The following RNF6 variants were observed in gnomAD, a reference collection of about 807,000 sequenced individuals.
The protein encoded by RNF6 is E3 ubiquitin-protein ligase RNF6.
Under a neutral mutation model 50.1 loss-of-function variants are expected in RNF6, and 21 were observed. That is an observed-to-expected ratio of 0.42 (90% confidence interval 0.30 to 0.60). RNF6 has a LOEUF of 0.60. Among genes scored for constraint, RNF6 ranks in the 20% least tolerant of loss-of-function variants. The pLI is 0.20. For synonymous variants in RNF6, 255 were observed against 291.8 expected, an observed-to-expected ratio of 0.87 and a Z score of 1.29; for missense variants, 698 against 838.2, an observed-to-expected ratio of 0.83 and a Z score of 2.07.
At chr13:26,144,472 G>C (rs1265084120) in intron 5 of RNF6, among the ~76,000 whole-genome samples, 1 of 150,320 alleles carries the variant, frequency 6.7e-6, no homozygotes, top group Non-Finnish European at 1.5e-5. Context: ...TTTCTTCCTA[G>C]TCCCCAGCCA....
At chr13:26,135,632 T>C (rs1433840235) in intron 5 of RNF6, 2 of 152,226 alleles carry the variant, frequency 1.3e-5, no homozygotes, top group Non-Finnish European at 2.9e-5. Flanking sequence ...TTACTATCTC[T>C]TCATCAAATT....
chr13:26,187,849 A>G (rs1223590858), intron 5 of RNF6, among the ~76,000 whole-genome samples: 1 of 152,120 alleles, frequency 6.6e-6, no homozygotes, highest in South Asian at 2.1e-4. Flanking sequence ...TCAGCCTCCC[A>G]ACTAGCTGGG....
chr13:26,157,259 A>G (rs1487029181), intron 5 of RNF6, among the ~76,000 whole-genome samples: 2 of 152,220 alleles, frequency 1.3e-5, no homozygotes, highest in African/African-American at 4.8e-5. Flanking sequence ...TTATAAACAA[A>G]TTAATAAATT....
At chr13:26,211,986 C>A (rs1050663607), downstream of RNF6, among the ~76,000 whole-genome samples, 2 of 152,134 alleles carry the variant, frequency 1.3e-5, no homozygotes, top group Non-Finnish European at 2.9e-5. Flanking sequence ...TTTTTAAAAA[C>A]CAACATTTTT....
At chr13:26,175,408 C>G (rs940908235) in intron 5 of RNF6, among the ~76,000 whole-genome samples, 8 of 152,116 alleles carry the variant, frequency 5.3e-5, no homozygotes, top group Non-Finnish European at 1.0e-4. Context: ...GGACACCTGA[C>G]GCGAAGAGTA....
rs1869582051 is a variant in RNF6 at position 26,214,283 on chromosome 13, C to T, written c.1599G>A (p.Arg533=). The T allele has an allele frequency of 3.1e-6, 5 of 1,614,106 alleles. No homozygotes were observed. The highest frequency in any genetic ancestry group is 4.2e-6 in the Non-Finnish European group (5 of 1,180,022). The change falls in exon 5 of 5, where the codon AGG becomes AGA. Residue 533 remains arginine, a synonymous_variant. Coordinates refer to ENST00000381588, the MANE Select transcript of RNF6 (RefSeq NM_005977.4). ...LGTDNNRSQH[R]EGSSQDRQAQ... is the part of the protein sequence containing the mutation. ...CCTGCCTGTCTTGAGAGGAACCTTCCCTGTGCTGGCTCCTGTTGTTATCTG... is the reference window on the plus strand; with the variant it reads ...CCTGCCTGTCTTGAGAGGAACCTTCTCTGTGCTGGCTCCTGTTGTTATCTG...
At position 26,152,232 on chromosome 13, in the gene RNF6, T is replaced by A. The variant is rs925530923; in HGVS notation, n.769-19781A>T. 5.3e-5 allele frequency among the ~76,000 whole-genome samples: 8 copies of A among 152,254 alleles called. No homozygotes were observed. In the East Asian group the frequency reaches 1.3e-3, roughly 26 times the overall value. On this transcript the variant is annotated intron_variant and non_coding_transcript_variant, in intron 5 of 5. Transcript: ENST00000468480. ...AACACGTTTCACAATTCAAAACATA[T>A]GAAAGGATTCAGTGTGAAAGTTCTA...
chr13:26,136,058 C>G (rs1208338485), intron 5 of RNF6, among the ~76,000 whole-genome samples: 1 of 152,122 alleles, frequency 6.6e-6, no homozygotes, highest in Admixed American at 6.6e-5. Flanking sequence ...TACCTAGCCT[C>G]AGGTATTTCT....
At position 26,174,250 on chromosome 13, in the gene RNF6, T is replaced by G. The variant is rs115005424; in HGVS notation, n.768+41224A>C. On this transcript the variant is annotated intron_variant and non_coding_transcript_variant, in intron 5 of 5. Coordinates refer to the RNF6 transcript ENST00000468480. The stretch of plus-strand genomic sequence containing the variant: ...TCTCACAGGATTTCGAGGGCAAGAG[T>G]CTGGAATGAAAGAGGAGGACTGGCT... Among the ~76,000 whole-genome samples, 863 of 151,942 alleles carry G rather than the reference T, an allele frequency of 5.7e-3. 14 individuals carry two copies. Among genetic ancestry groups the G allele is most frequent in the African/African-American group, 0.02 (821 of 41,420 alleles).
intron 5 of RNF6, among the ~76,000 whole-genome samples, chr13:26,188,818 T>C (rs1332252744): frequency 6.6e-6 from 1 of 151,552 alleles, no homozygotes; most frequent in Non-Finnish European, 1.5e-5. Flanking sequence ...TTAGTAGAGA[T>C]GAGGTTTCAA....
At chr13:26,206,107 A>C (rs1225572602) in intron 5 of RNF6, among the ~76,000 whole-genome samples, 1 of 152,080 alleles carries the variant, frequency 6.6e-6, no homozygotes, top group African/African-American at 2.4e-5. Context: ...TTCTCTCCTG[A>C]TTTGCTCTGC....
At chr13:26,167,974 C>T (rs951344183) in intron 5 of RNF6, among the ~76,000 whole-genome samples, 1 of 152,084 alleles carries the variant, frequency 6.6e-6, no homozygotes, top group Admixed American at 6.6e-5. Context: ...ATGTTCTCAC[C>T]CACAAGTGGG....
chr13:26,136,166 G>C (rs141629470), intron 5 of RNF6, among the ~76,000 whole-genome samples: 1,591 of 152,298 alleles, frequency 0.01, 18 homozygotes, highest in African/African-American at 0.037. Flanking sequence ...GGAGATGTTT[G>C]CAGTCTGATT....
chr13:26,172,338 G>T (rs1872732242), intron 5 of RNF6, among the ~76,000 whole-genome samples: 1 of 152,060 alleles, frequency 6.6e-6, no homozygotes, highest in African/African-American at 2.4e-5. Context: ...TACGCTAAAG[G>T]TCTAAATAGG....
intron 5 of RNF6, among the ~76,000 whole-genome samples, chr13:26,188,149 C>G (rs1034684021): frequency 6.6e-6 from 1 of 152,156 alleles, no homozygotes; most frequent in African/African-American, 2.4e-5. Flanking sequence ...TCTTGTGGCT[C>G]ATGGAGACTT....
chr13:26,221,735 C>A (rs1870525933), intron 1 of RNF6: 1 of 152,182 alleles, frequency 6.6e-6, no homozygotes, highest in Non-Finnish European at 1.5e-5. Flanking sequence ...CGCCGGGGGA[C>A]GATCCCCACT....
At chr13:26,205,481 A>C (rs1470356646) in intron 5 of RNF6, among the ~76,000 whole-genome samples, 1 of 152,130 alleles carries the variant, frequency 6.6e-6, no homozygotes, top group Non-Finnish European at 1.5e-5. Flanking sequence ...TTTCCATGGG[A>C]TATATATCCA....
chr13:26,139,018 T>C (rs1870792834), intron 5 of RNF6, among the ~76,000 whole-genome samples: 1 of 152,220 alleles, frequency 6.6e-6, no homozygotes, highest in African/African-American at 2.4e-5. Context: ...ATATTAACCA[T>C]GTTTTTTAAC....
chr13:26,194,901 C>T (rs886108678), intron 5 of RNF6, among the ~76,000 whole-genome samples: 2 of 152,082 alleles, frequency 1.3e-5, no homozygotes, highest in Non-Finnish European at 2.9e-5. Flanking sequence ...AGGTGCCCAC[C>T]CAGATTAAGG....
Sources: gnomAD v4.1 joint callset for allele counts (sites outside exome capture counted in the v4.1 genomes callset) on GRCh38, gnomAD v4.1.1 for gene constraint, MANE v1.5 for transcripts, NCBI Gene and HGNC (gene_info 2026-07-23, HGNC 2026-07-21) for gene names.